NID1: variants seen among roughly 807,000 people sequenced by gnomAD.
NID1 encodes nidogen-1.
A neutral mutation model predicts 130.6 loss-of-function variants in NID1; 76 were observed. That is an observed-to-expected ratio of 0.58 (90% CI 0.48 to 0.70). The LOEUF (loss-of-function observed/expected upper bound fraction) is 0.70. NID1 is among the 30% of genes least tolerant of loss of function. The pLI is 0.00. For missense variants in NID1, 1,517 were observed against 1,664.8 expected (o/e 0.91, Z 1.54); for synonymous variants, 665 against 675.1 (o/e 0.98, Z 0.23).
At chr1:236,026,174 A>T in intron 7 of NID1, 33 bp from the exon 8 acceptor site, 1 of 1,607,148 alleles carries the variant, frequency 6.2e-7, no homozygotes, top group Non-Finnish European at 8.5e-7. Flanking sequence ...GGGACAAGGC[A>T]GGGAGACAGA....
intron 12 of NID1, among the ~76,000 whole-genome samples, chr1:235,999,019 G>A (rs1339448353): frequency 2.0e-5 from 3 of 152,198 alleles, no homozygotes; most frequent in South Asian, 2.1e-4. Flanking sequence ...GGCATCTGGC[G>A]TCCACATTGC....
intron 1 of NID1, among the ~76,000 whole-genome samples, chr1:236,061,236 A>T (rs945312222): frequency 5.9e-5 from 9 of 152,162 alleles, no homozygotes; most frequent in Non-Finnish European, 1.5e-5. Flanking sequence ...TAGGTGAAAG[A>T]TTAGTGGGCA....
At chr1:235,988,315 A>G (rs1283695907) in intron 14 of NID1, among the ~76,000 whole-genome samples, 3 of 152,230 alleles carry the variant, frequency 2.0e-5, no homozygotes, top group Non-Finnish European at 4.4e-5. Context: ...TTATTAGGAA[A>G]ATGCAAATCA....
intron 4 of NID1, among the ~76,000 whole-genome samples, chr1:236,040,771 C>A (rs1174658858): frequency 6.6e-6 from 1 of 151,494 alleles, no homozygotes; most frequent in Non-Finnish European, 1.5e-5. Context: ...TCGAGCGATT[C>A]TCTGGCCTCA....
At chr1:236,005,951 G>A (rs1339020324) in intron 12 of NID1, among the ~76,000 whole-genome samples, 1 of 152,180 alleles carries the variant, frequency 6.6e-6, no homozygotes, top group Non-Finnish European at 1.5e-5. Context: ...TGAAAATATA[G>A]TTATGTCATG....
In NID1 at chr1:235,990,894, G is replaced by A; in HGVS notation, c.2920C>T (p.His974Tyr). 6.2e-7 allele frequency: 1 copy of A among 1,614,144 alleles called. No homozygotes were observed. The highest frequency in any genetic ancestry group is 8.5e-7 in the Non-Finnish European group (1 of 1,180,030). ...MRKTEAKAFL[H>Y]VPAKVIIGLA... ...AATCAGCCAGCACTCACCGGGACAT[G>A]AAGGAACGCCTTTGCTTCTGTCTTC... The change falls in exon 14 of 20, where the codon CAT (histidine) becomes TAT (tyrosine). Residue 974 changes from histidine to tyrosine, a missense_variant. This residue lies in a region of NID1 where 1,329 missense variants were observed against 1,429.2 expected (regional missense o/e 0.93). Coordinates refer to ENST00000264187, the MANE Select transcript of NID1 (RefSeq NM_002508.3).
chr1:236,008,667 A>AT (rs756227226), intron 12 of NID1, among the ~76,000 whole-genome samples: 6,659 of 138,600 alleles, frequency 0.048, 445 homozygotes, highest in African/African-American at 0.15. Flanking sequence ...CGCCCAGCTA[A>AT]TTTTTTTTTT....
rs1660154530 is a variant in NID1 at position 236,065,034 on chromosome 1, G to A, written c.46C>T (p.Leu16=). The change falls in exon 1 of 20, where the codon CTG becomes TTG. Residue 16 remains leucine (L), a synonymous_variant. Transcript: ENST00000264187. This position sits in a 1 kb window ranked among gnomAD's most constrained non-coding sequence, Gnocchi z 4.1. ...CCCGCCAGCAGCAGCGGCAGCAGCA[G>A]CGCCCGCGTCCACGCAGCCCGGATC... The part of the protein sequence containing the change: ...SRIRAAWTRA[L]LLPLLLAGPV... The A allele has an allele frequency of 1.3e-6, 2 of 1,557,388 alleles. No homozygotes were observed. Among genetic ancestry groups the A allele is most frequent in the Non-Finnish European group, 1.7e-6 (2 of 1,150,782 alleles).
rs1445931612 is a variant in NID1, at chr1:235,977,609, G to A, written c.*258C>T. The stretch of plus-strand genomic sequence containing the variant: ...GGGATGGGCATGTAATCCTCACTCA[G>A]GGGTGTATAAGTCTGTCTGAGGGTT... On this transcript the variant is annotated 3_prime_UTR_variant, in exon 20 of 20. Transcript: ENST00000264187. 8 of 436,186 alleles carry A rather than the reference G, an allele frequency of 1.8e-5. No homozygotes were observed. The highest frequency in any genetic ancestry group is 3.4e-5 in the Non-Finnish European group (8 of 238,434). 27.0% of individuals were successfully genotyped at this position (436,186 alleles called of 1,614,324 possible). A position where few individuals can be genotyped will look rare whatever the true frequency, so the allele number is the denominator to read the frequency against.
At chr1:236,039,462 T>C (rs1384741663) in intron 4 of NID1, among the ~76,000 whole-genome samples, 4 of 151,834 alleles carry the variant, frequency 2.6e-5, no homozygotes, top group African/African-American at 9.7e-5. Flanking sequence ...GCACTTATAC[T>C]CAAAAGCTGA....
rs753388095 is a variant in NID1, at chr1:236,038,242, T to G, written c.1147A>C (p.Asn383His). 6.2e-7 allele frequency: 1 copy of G among 1,612,480 alleles called. No individual in the cohort carries two copies. Among genetic ancestry groups the G allele is most frequent in the Non-Finnish European group, 8.5e-7 (1 of 1,178,932 alleles). The change falls in exon 5 of 20, where the codon AAC becomes CAC. Residue 383 changes from asparagine to histidine, a missense_variant. Physicochemically the swap from Asn to His is moderately conservative, Grantham distance 68 (BLOSUM62 1). Transcript: ENST00000264187. ...GCACACGTCTGGCGGGAATCCGTGT[T>G]ATAGCTGAAAACTGGTCCAAGAAAA... ...VEETGVVFSY[N>H]TDSRQTCANN...
chr1:236,035,983 C>A (rs1659246155), intron 5 of NID1, among the ~76,000 whole-genome samples: 1 of 152,132 alleles, frequency 6.6e-6, no homozygotes, highest in Admixed American at 6.6e-5. Flanking sequence ...AATATTTAAA[C>A]CACAAATCTA....
intron 5 of NID1, among the ~76,000 whole-genome samples, chr1:236,036,846 C>T (rs1659275867): frequency 6.6e-6 from 1 of 152,138 alleles, no homozygotes; most frequent in Non-Finnish European, 1.5e-5. Flanking sequence ...CAAATGTGGC[C>T]CCCTGATCTT....
At chr1:236,021,707 A>G (rs570043499) in intron 9 of NID1, among the ~76,000 whole-genome samples, 1 of 152,290 alleles carries the variant, frequency 6.6e-6, no homozygotes, top group African/African-American at 2.4e-5. Context: ...CCACCAGGGA[A>G]GCTTACTTCT....
At position 236,032,675 on chromosome 1, in the gene NID1, A is replaced by G. The variant is rs754320115; in HGVS notation, c.1286-23T>C. 31 of 1,612,792 alleles carry G rather than the reference A, an allele frequency of 1.9e-5. No homozygotes were observed. The Middle Eastern group carries it at 4.9e-4, about 26-fold the overall frequency. ...AACCTGAGCAAGAAAACAAAGAAAG[A>G]ATATAGAGATCACTTCCAAGCCAGT... On this transcript the variant is annotated intron_variant, in intron 5 of 19. Coordinates refer to ENST00000264187, the MANE Select transcript of NID1 (RefSeq NM_002508.3).
In NID1 at chr1:235,977,678, C is replaced by T. The variant is rs906625208; in HGVS notation, c.*189G>A. 2 of 601,610 alleles carry T rather than the reference C, an allele frequency of 3.3e-6. No individual in the cohort carries two copies. Among genetic ancestry groups the T allele is most frequent in the African/African-American group, 1.9e-5 (1 of 53,702 alleles). 37.3% of individuals were successfully genotyped at this position (601,610 alleles called of 1,614,324 possible). A position where few individuals can be genotyped will look rare whatever the true frequency, so the allele number is the denominator to read the frequency against. On this transcript the variant is annotated 3_prime_UTR_variant, in exon 20 of 20. Transcript: ENST00000264187. ...TTCTGTCCTTGTGTAGGGGTGGAGA[C>T]TTTTCTATTAGAGAAGTCCAGGGTG...
In NID1 at chr1:236,020,674, G is replaced by A. The variant is rs1177887442; in HGVS notation, c.2128+3396C>T. 3.9e-5 allele frequency among the ~76,000 whole-genome samples: 6 copies of A among 152,180 alleles called. No homozygotes were observed. In the Middle Eastern group the frequency reaches 0.01, roughly 259 times the overall value. On this transcript the variant is annotated intron_variant, in intron 9 of 19. Coordinates refer to ENST00000264187, the MANE Select transcript of NID1 (RefSeq NM_002508.3). The stretch of plus-strand genomic sequence containing the variant: ...AGGCTCATCCTCATTCTCCTCTAAC[G>A]CACTTCCCAAGTCCAAATAACACAT...
chr1:235,983,620 C>T lies in NID1; in HGVS notation c.3055+1759G>A, dbSNP rs865972822. Among the ~76,000 whole-genome samples the T allele has an allele frequency of 9.9e-5, 15 of 152,248 alleles. No homozygotes were observed. The South Asian group carries it at 1.5e-3, about 15-fold the overall frequency. On this transcript the variant is annotated intron_variant, in intron 15 of 19. Coordinates refer to ENST00000264187, the MANE Select transcript of NID1 (RefSeq NM_002508.3). Reference sequence around the variant, plus strand: ...CACCTGGAGGAAGCTCCATGAGCTCCGTGCATATTGTCTCCTTAGAACCAG... The same window carrying T: ...CACCTGGAGGAAGCTCCATGAGCTCTGTGCATATTGTCTCCTTAGAACCAG...
intron 7 of NID1, among the ~76,000 whole-genome samples, chr1:236,027,964 AAAAAT>A (rs1169109537): frequency 1.3e-5 from 2 of 152,306 alleles, no homozygotes; most frequent in East Asian, 3.9e-4. Flanking sequence ...ACACCATCTC[AAAAAT>A]AAAATAAAAT....
Sources: gnomAD v4.1 joint callset for allele counts (sites outside exome capture counted in the v4.1 genomes callset) on GRCh38, gnomAD v4.1.1 for gene constraint, gnomAD v4.1.1 regional missense constraint, Gnocchi (gnomAD v3.1) non-coding constraint, MANE v1.5 for transcripts, NCBI Gene and HGNC (gene_info 2026-07-23, HGNC 2026-07-21) for gene names.